Variants in CALN1 observed in about 807,000 individuals in gnomAD.
CALN1 encodes calneuron 1, also known as calcium-binding protein 8.
A neutral mutation model predicts 30.6 loss-of-function variants in CALN1; 17 were observed. The observed-to-expected ratio is 0.56, with a 90% CI of 0.38 to 0.83. The LOEUF is 0.83. Ranked by LOEUF, CALN1 falls within the 40% of genes least tolerant of loss-of-function variation. The pLI is 0.00. For missense variants in CALN1, 291 were observed against 354.9 expected, an observed-to-expected ratio of 0.82 and a Z score of 1.45; for synonymous variants, 156 against 131.4, an observed-to-expected ratio of 1.19 and a Z score of -1.28.
At chr7:72,305,988 C>G (rs1914399) in intron 2 of CALN1, among the ~76,000 whole-genome samples, 69,390 of 151,924 alleles carry the variant, frequency 0.46, 17,049 homozygotes, top group South Asian at 0.67. Flanking sequence ...ATCATCTAAA[C>G]TTAATTACCT....
chr7:72,400,654 G>T (rs1429671480), intron 2 of CALN1, among the ~76,000 whole-genome samples: 1 of 152,150 alleles, frequency 6.6e-6, no homozygotes, highest in Non-Finnish European at 1.5e-5. Flanking sequence ...TGTATCACTT[G>T]AGGTCAGGGG....
At chr7:72,237,712 A>C (rs78965513) in intron 3 of CALN1, among the ~76,000 whole-genome samples, 4,742 of 152,234 alleles carry the variant, frequency 0.031, 243 homozygotes, top group African/African-American at 0.11. Flanking sequence ...AGTTCCCCAA[A>C]ATGACCAACA....
chr7:71,790,811 G>T (rs745829111), intron 6 of CALN1, among the ~76,000 whole-genome samples: 1 of 152,136 alleles, frequency 6.6e-6, no homozygotes, highest in Non-Finnish European at 1.5e-5. Flanking sequence ...ACATCCACTC[G>T]GGAGTTTCTG....
intron 4 of CALN1, among the ~76,000 whole-genome samples, chr7:72,060,588 A>G (rs925713211): frequency 2.6e-5 from 4 of 152,212 alleles, no homozygotes; most frequent in Non-Finnish European, 2.9e-5. Flanking sequence ...GATGGTTTGG[A>G]TATTTGTCCC....
chr7:71,934,863 C>T lies in CALN1; in HGVS notation c.501+88794G>A, dbSNP rs149074081. 9.8e-3 allele frequency among the ~76,000 whole-genome samples: 1,494 copies of T among 152,244 alleles called. 29 individuals carry two copies. Among genetic ancestry groups the T allele is most frequent in the African/African-American group, 0.034 (1,406 of 41,542 alleles). The stretch of plus-strand genomic sequence containing the variant: ...GAGCAAGTCACATATTACATGGTGG[C>T]AGAGAAGAGAGAGAACTTGTGCAGG... On this transcript the variant is annotated intron_variant, in intron 5 of 6. Transcript: ENST00000395275.
chr7:72,474,174 G>T, the CALN1 span, among the ~76,000 whole-genome samples: 2 of 152,024 alleles, frequency 1.3e-5, no homozygotes, highest in African/African-American at 4.8e-5. Flanking sequence ...ACTCCGCAAT[G>T]GCTAGGCTTT....
rs55667543 is a variant in CALN1 at position 71,795,814 on chromosome 7, C to CTTT, written c.659-7915_659-7913dup. ...ATGTAGCATTTACCAGTACTTCATTCTTTTTTTTTTTTTTTTTTTTTTGAG... is the reference window on the plus strand; with the variant it reads ...ATGTAGCATTTACCAGTACTTCATTCTTTTTTTTTTTTTTTTTTTTTTTTTGAG... On this transcript the variant is annotated intron_variant, in intron 6 of 6. Coordinates refer to ENST00000395275, the MANE Select transcript of CALN1 (RefSeq NM_031468.4). Among the ~76,000 whole-genome samples, 593 of 98,516 alleles carry CTTT rather than the reference C, an allele frequency of 6.0e-3. 5 individuals carry two copies. Among genetic ancestry groups the CTTT allele is most frequent in the East Asian group, 8.6e-3 (22 of 2,570 alleles). 64.6% of individuals were successfully genotyped at this position (98,516 alleles called of 152,430 possible).
At chr7:72,440,801 TC>T (rs1808321444) in intron 1 of CALN1, among the ~76,000 whole-genome samples, 1 of 152,180 alleles carries the variant, frequency 6.6e-6, no homozygotes, top group East Asian at 1.9e-4. Flanking sequence ...CACTCCAGCC[TC>T]AGCAACAGAG....
chr7:71,991,124 G>C (rs1214427225), intron 5 of CALN1, among the ~76,000 whole-genome samples: 1 of 152,006 alleles, frequency 6.6e-6, no homozygotes, highest in Non-Finnish European at 1.5e-5. Flanking sequence ...AAACCATAAG[G>C]CTGAGTAAGA....
chr7:71,944,349 C>T (rs1042267325), intron 5 of CALN1, among the ~76,000 whole-genome samples: 10 of 151,978 alleles, frequency 6.6e-5, no homozygotes, highest in Admixed American at 2.0e-4. Context: ...AATCCCAGCA[C>T]TTTGGGAGGC....
chr7:72,264,740 G>T (rs1398892733), intron 3 of CALN1, among the ~76,000 whole-genome samples: 1 of 152,136 alleles, frequency 6.6e-6, no homozygotes, highest in Non-Finnish European at 1.5e-5. Flanking sequence ...AGGTAAACTT[G>T]TGTCATAGGG....
chr7:72,255,483 C>T (rs1200636009), intron 3 of CALN1, among the ~76,000 whole-genome samples: 2 of 151,858 alleles, frequency 1.3e-5, no homozygotes, highest in South Asian at 2.1e-4. Context: ...GGCATGATCT[C>T]GGCTCACTGC....
Position 72,444,772 on chromosome 7 carries a change from T to A in CALN1, c.-226+2270A>T, listed in dbSNP as rs534734985. ...ACTTCAGCTAAATGACTCCATTTAA[T>A]CCTGACAATGCTACCATGTTACAGA... On this transcript the variant is annotated intron_variant, in intron 1 of 6. Transcript: ENST00000395276. Among the ~76,000 whole-genome samples the A allele has an allele frequency of 3.3e-5, 5 of 152,312 alleles. No homozygotes were observed. The East Asian group carries it at 9.6e-4, about 29-fold the overall frequency.
chr7:72,438,405 A>T (rs1808243507), intron 1 of CALN1, among the ~76,000 whole-genome samples: 1 of 152,142 alleles, frequency 6.6e-6, no homozygotes. Flanking sequence ...TACAGAAGTG[A>T]GCCACGGCAC....
chr7:72,371,178 TTCTG>T (rs1296698700), intron 2 of CALN1, among the ~76,000 whole-genome samples: 3 of 152,248 alleles, frequency 2.0e-5, no homozygotes, highest in Non-Finnish European at 2.9e-5. Context: ...AAAGGTTTTC[TTCTG>T]TATTTCCTTC....
At chr7:72,270,215 A>C (rs1796887174) in intron 3 of CALN1, among the ~76,000 whole-genome samples, 2 of 152,058 alleles carry the variant, frequency 1.3e-5, no homozygotes, top group African/African-American at 2.4e-5. Flanking sequence ...CCAACTACTT[A>C]GGAGGCTGAG....
chr7:72,429,513 A>G (rs986901635), intron 1 of CALN1, among the ~76,000 whole-genome samples: 29 of 152,094 alleles, frequency 1.9e-4, no homozygotes, highest in Non-Finnish European at 3.7e-4. Flanking sequence ...AACGGAGGAC[A>G]TGGTTTTATG....
At chr7:71,968,234 A>G (rs28664805) in intron 5 of CALN1, among the ~76,000 whole-genome samples, 3,983 of 152,282 alleles carry the variant, frequency 0.026, 143 homozygotes, top group African/African-American at 0.088. Flanking sequence ...ACACACATCC[A>G]CACTGATGAA....
At chr7:72,041,125 C>T (rs1475758191) in intron 4 of CALN1, among the ~76,000 whole-genome samples, 1 of 152,088 alleles carries the variant, frequency 6.6e-6, no homozygotes, top group Non-Finnish European at 1.5e-5. Flanking sequence ...TATCCTGTTG[C>T]ACTCTACATA....
Sources: allele counts gnomAD v4.1 joint callset (sites outside exome capture counted in the v4.1 genomes callset), GRCh38; gene constraint gnomAD v4.1.1; transcripts MANE v1.5; gene names NCBI Gene and HGNC (gene_info 2026-07-23, HGNC 2026-07-21).